The following SAMD4A variants were observed in gnomAD, a reference collection of about 807,000 sequenced individuals.
SAMD4A encodes protein Smaug homolog 1.
A neutral mutation model predicts 81.3 loss-of-function variants in SAMD4A; 33 were observed. That is an observed-to-expected ratio of 0.41 (90% CI 0.31 to 0.54). The LOEUF (loss-of-function observed/expected upper bound fraction) is 0.54. Among genes scored for constraint, SAMD4A ranks in the 20% least tolerant of loss-of-function variants. The pLI is 0.37. For missense variants in SAMD4A, 854 were observed against 951.1 expected (o/e 0.90, Z 1.34); for synonymous variants, 389 against 382.1 (o/e 1.02, Z -0.21).
rs34263162 is a variant in SAMD4A at position 54,737,561 on chromosome 14, T to TTTTTTTTTTTTTTTTTTTTG, written c.979+274_979+275insTTTTTTTTTTTTTTTTTTTG. On this transcript the variant is annotated intron_variant, in intron 4 of 12. Coordinates refer to ENST00000554335, the MANE Select transcript of SAMD4A (RefSeq NM_015589.6). ...CTCTCTCTTTTTTTTTTTTTTTTTTTGCATTGCAGTGACTTGTAGACCATT... is the reference window on the plus strand; with the variant it reads ...CTCTCTCTTTTTTTTTTTTTTTTTTTTTTTTTTTTTTTTTTTTTTGGCATTGCAGTGACTTGTAGACCATT... 4.9e-5 allele frequency among the ~76,000 whole-genome samples: 6 copies of TTTTTTTTTTTTTTTTTTTTG among 122,648 alleles called. 1 individual carries two copies. The highest frequency in any genetic ancestry group is 8.3e-5 in the Non-Finnish European group (5 of 60,474). 80.5% of individuals were successfully genotyped at this position (122,648 alleles called of 152,430 possible). A position where few individuals can be genotyped will look rare whatever the true frequency, so the allele number is the denominator to read the frequency against.
At chr14:54,777,580 G>A (rs2038888485) in intron 11 of SAMD4A, among the ~76,000 whole-genome samples, 1 of 152,160 alleles carries the variant, frequency 6.6e-6, no homozygotes, top group Non-Finnish European at 1.5e-5. Flanking sequence ...ATCCAAAGCT[G>A]AGGAGCTTGG....
chr14:54,640,200 T>G (rs56380805), intron 2 of SAMD4A, among the ~76,000 whole-genome samples: 12,649 of 152,080 alleles, frequency 0.083, 597 homozygotes, highest in Middle Eastern at 0.17. Context: ...TTTTCCCTCT[T>G]CCTTCATCTC....
intron 11 of SAMD4A, among the ~76,000 whole-genome samples, chr14:54,777,335 G>C (rs77187241): frequency 6.6e-6 from 1 of 152,168 alleles, no homozygotes; most frequent in Admixed American, 6.5e-5. Context: ...TGTTACTGTG[G>C]CCTGGAATAG....
At chr14:54,579,415 C>G (rs1205196734) in intron 2 of SAMD4A, among the ~76,000 whole-genome samples, 2 of 152,210 alleles carry the variant, frequency 1.3e-5, no homozygotes, top group East Asian at 3.9e-4. Context: ...ATCCCAAAAC[C>G]TATGTTGAAT....
intron 2 of SAMD4A, among the ~76,000 whole-genome samples, chr14:54,624,723 T>C (rs866303430): frequency 6.6e-6 from 1 of 152,220 alleles, no homozygotes; most frequent in South Asian, 2.1e-4. Context: ...CTAAATTCAG[T>C]TGGTGAGCAC....
At chr14:54,785,938 C>T (rs564316264) in intron 12 of SAMD4A, among the ~76,000 whole-genome samples, 1 of 152,182 alleles carries the variant, frequency 6.6e-6, no homozygotes, top group Non-Finnish European at 1.5e-5. Flanking sequence ...GCCTCATTTG[C>T]GAGCCACTGC....
At position 54,638,849 on chromosome 14, in the gene SAMD4A, T is replaced by C. The variant is rs112243371; in HGVS notation, c.197-63213T>C. Among the ~76,000 whole-genome samples the C allele has an allele frequency of 4.1e-3, 620 of 152,356 alleles. 7 individuals carry two copies. The highest frequency in any genetic ancestry group is 0.014 in the African/African-American group (598 of 41,588). On this transcript the variant is annotated intron_variant, in intron 2 of 12. Coordinates refer to ENST00000554335, the MANE Select transcript of SAMD4A (RefSeq NM_015589.6). ...ATTACCTGAATTCAATGTATACCGA[T>C]GTTCTAAGAGAGTGGACATTCGGCA...
At chr14:54,705,037 A>G (rs1299242741) in intron 3 of SAMD4A, among the ~76,000 whole-genome samples, 2 of 152,214 alleles carry the variant, frequency 1.3e-5, no homozygotes, top group African/African-American at 4.8e-5. Flanking sequence ...TTGGCCAAGT[A>G]ATTTAACCTC....
At chr14:54,768,729 G>A (rs1369425294) in intron 8 of SAMD4A, among the ~76,000 whole-genome samples, 4 of 152,334 alleles carry the variant, frequency 2.6e-5, no homozygotes, top group East Asian at 3.9e-4. Flanking sequence ...CCACGCCCTC[G>A]CCTCCTAGCC....
At position 54,621,960 on chromosome 14, in the gene SAMD4A, C is replaced by A. The variant is rs578261769; in HGVS notation, c.196+53848C>A. On this transcript the variant is annotated intron_variant, in intron 2 of 12. Transcript: ENST00000554335. ...ATTGTGTATTGTATTTTGTGTTACT[C>A]ATATTATATGAAATTTAGGACTAGA... is the stretch of plus-strand genomic sequence containing the variant. Among the ~76,000 whole-genome samples the A allele has an allele frequency of 1.3e-4, 20 of 152,156 alleles. No individual in the cohort carries two copies. In the South Asian group the frequency reaches 2.3e-3, roughly 17 times the overall value.
chr14:54,568,691 A>ATG (rs1491147640), intron 2 of SAMD4A, among the ~76,000 whole-genome samples: 2 of 116 alleles, frequency 0.017, no homozygotes, highest in Non-Finnish European at 0.042. Context: ...CATTTGCAGC[A>ATG]TATATATATA....
chr14:54,783,162 A>AC (rs2039042805), intron 11 of SAMD4A, among the ~76,000 whole-genome samples: 1 of 151,936 alleles, frequency 6.6e-6, no homozygotes, highest in Non-Finnish European at 1.5e-5. Flanking sequence ...AACTTTAAAA[A>AC]AAAAAAAAAA....
chr14:54,630,931 T>A (rs2034886404), intron 2 of SAMD4A, among the ~76,000 whole-genome samples: 1 of 151,282 alleles, frequency 6.6e-6, no homozygotes, highest in African/African-American at 2.4e-5. Flanking sequence ...TGTGTGTGTG[T>A]GTGTGTGTGT....
intron 2 of SAMD4A, among the ~76,000 whole-genome samples, chr14:54,656,594 G>A (rs2035525541): frequency 6.6e-6 from 1 of 152,154 alleles, no homozygotes; most frequent in East Asian, 1.9e-4. Context: ...ACAAATAATA[G>A]TAAAGCTGAT....
intron 11 of SAMD4A, chr14:54,784,175 G>A: frequency 3.3e-6 from 2 of 609,736 alleles, no homozygotes; most frequent in South Asian, 3.9e-5. Flanking sequence ...GAAGGAGAGA[G>A]CTGTATGAGG....
chr14:54,717,516 A>G (rs2140841832), intron 3 of SAMD4A, among the ~76,000 whole-genome samples: 1 of 152,266 alleles, frequency 6.6e-6, no homozygotes, highest in Admixed American at 6.5e-5. Context: ...TTAGCAGCAT[A>G]ATGTTAATAC....
rs56253225 is a variant in SAMD4A at position 54,661,442 on chromosome 14, G to A, written c.197-40620G>A. 6.7e-3 allele frequency among the ~76,000 whole-genome samples: 1,013 copies of A among 152,266 alleles called. 11 individuals are homozygous for A. The highest frequency in any genetic ancestry group is 0.023 in the African/African-American group (959 of 41,542). On this transcript the variant is annotated intron_variant, in intron 2 of 12. Transcript: ENST00000554335. The stretch of plus-strand genomic sequence containing the variant: ...TGGTTAGTCAGTTGGTTAGAACAGA[G>A]GGCTAATTAGCAGATTAAAGCAAGC...
Position 54,784,610 on chromosome 14 carries a change from C to A in SAMD4A, c.2118C>A (p.His706Gln). The A allele has an allele frequency of 6.2e-7, 1 of 1,613,970 alleles. No homozygotes were observed. Residue 706 changes from histidine to glutamine, a missense_variant, in exon 12 of 13, where the codon CAC becomes CAA. This residue lies in a region of SAMD4A where 428 missense variants were observed against 471.2 expected (regional missense o/e 0.91). Transcript: ENST00000554335. ...LESLCLSMTE[H>Q]ALGDGVDRTS... ...CGTTGTGCCTCAGTATGACCGAACACGCCCTGGGAGGTGAGTGTGTTCTTC... is the reference window on the plus strand; with the variant it reads ...CGTTGTGCCTCAGTATGACCGAACAAGCCCTGGGAGGTGAGTGTGTTCTTC...
At chr14:54,784,656 GTT>G in intron 12 of SAMD4A, 36 bp downstream of exon 12, 1 of 1,573,754 alleles carries the variant, frequency 6.4e-7, no homozygotes, top group Non-Finnish European at 8.7e-7. Context: ...CCATGTCCCT[GTT>G]ACCGTGTGCC....
Sources: allele counts gnomAD v4.1 joint callset (sites outside exome capture counted in the v4.1 genomes callset), GRCh38; gene constraint gnomAD v4.1.1; regional missense constraint gnomAD v4.1.1; transcripts MANE v1.5; gene names NCBI Gene and HGNC (gene_info 2026-07-23, HGNC 2026-07-21).